Variants in CFLAR observed in about 807,000 individuals in gnomAD.
CFLAR encodes CASP8 and FADD-like apoptosis regulator.
CFLAR carries 14 observed loss-of-function variants against 51.1 expected under a neutral mutation model. The observed-to-expected ratio is 0.27, with a 90% CI of 0.18 to 0.43. The LOEUF (loss-of-function observed/expected upper bound fraction) is 0.43. Among genes scored for constraint, CFLAR ranks in the 20% least tolerant of loss-of-function variants. The probability of loss-of-function intolerance (pLI) is 1.00; values close to 1 mark genes in which losing one functional copy is unlikely to be tolerated. For missense variants in CFLAR, 390 were observed against 566.5 expected, an observed-to-expected ratio of 0.69 and a Z score of 3.16; for synonymous variants, 210 against 211.6, an observed-to-expected ratio of 0.99 and a Z score of 0.06.
intron 1 of CFLAR, among the ~76,000 whole-genome samples, chr2:201,127,046 G>A (rs941956022): frequency 6.6e-6 from 1 of 152,198 alleles, no homozygotes; most frequent in Admixed American, 6.5e-5. Flanking sequence ...ATATGCCTGT[G>A]AGGGGAGTTA....
At chr2:201,148,097 A>G (rs1159213243) in intron 6 of CFLAR, among the ~76,000 whole-genome samples, 1 of 152,146 alleles carries the variant, frequency 6.6e-6, no homozygotes, top group Non-Finnish European at 1.5e-5. Flanking sequence ...TAAAATACAA[A>G]AAATATAAAA....
At chr2:201,141,266 A>T in intron 5 of CFLAR, 538 of 1,219,262 alleles carry the variant, frequency 4.4e-4, no homozygotes, top group Non-Finnish European at 5.6e-4. Context: ...TATAATACTG[A>T]CCTCCAATTA....
chr2:201,142,594 T>G (rs897986941), intron 5 of CFLAR: 1 of 152,250 alleles, frequency 6.6e-6, no homozygotes, highest in Non-Finnish European at 1.5e-5. Flanking sequence ...TACCATATCT[T>G]AGAGCATACT....
intron 8 of CFLAR, among the ~76,000 whole-genome samples, chr2:201,153,922 T>A (rs1941716365): frequency 6.9e-6 from 1 of 145,834 alleles, no homozygotes; most frequent in South Asian, 2.2e-4. Context: ...TTTTTTTTTT[T>A]TTTGACAGAG....
intron 1 of CFLAR, chr2:201,122,592 A>G (rs1271467163): frequency 6.6e-6 from 1 of 152,218 alleles, no homozygotes; most frequent in Non-Finnish European, 1.5e-5. Flanking sequence ...GGACCTCCAC[A>G]TATGACAGTA....
intron 8 of CFLAR, among the ~76,000 whole-genome samples, chr2:201,159,453 G>A (rs956426035): frequency 6.6e-6 from 1 of 151,980 alleles, no homozygotes; most frequent in Non-Finnish European, 1.5e-5. Flanking sequence ...GGGACTACAG[G>A]TGCGTGCCAC....
chr2:201,130,102 G>A lies in CFLAR; in HGVS notation c.237G>A (p.Val79=), dbSNP rs1368802738. 2 of 1,593,664 alleles carry A rather than the reference G, an allele frequency of 1.3e-6. No individual in the cohort carries two copies. The highest frequency in any genetic ancestry group is 1.3e-5 in the African/African-American group (1 of 74,112). ...TCTTGAAGATGGACAGAAAAGCTGT[G>A]GAGACCCACCTGCTCAGGAACCCTC... ...KRILKMDRKA[V]ETHLLRNPHL... is the part of the protein sequence containing the mutation. The change falls in exon 2 of 10, where the codon GTG becomes GTA. Residue 79 remains valine (V), a synonymous_variant. Transcript: ENST00000309955.
Position 201,165,568 on chromosome 2 carries a change from G to A in CFLAR, c.*1595G>A, listed in dbSNP as rs2125960881. ...ATTACAGGTGTGAGCCACTGCACCT[G>A]GCCTATTATTATTTTTAAATTTTTT... On this transcript the variant is annotated 3_prime_UTR_variant, in exon 10 of 10. Coordinates refer to ENST00000309955, the MANE Select transcript of CFLAR (RefSeq NM_003879.7). 1 of 150,220 alleles carries A rather than the reference G, an allele frequency of 6.7e-6. No homozygotes were observed. The highest frequency in any genetic ancestry group is 2.1e-4 in the South Asian group (1 of 4,772). 9.3% of individuals were successfully genotyped at this position (150,220 alleles called of 1,614,324 possible).
At position 201,170,657 on chromosome 2, in the gene CFLAR, C is replaced by G. The variant is rs555012009; in HGVS notation, c.*6684C>G. The G allele has an allele frequency of 5.3e-5, 8 of 152,316 alleles. No individual in the cohort carries two copies. Among genetic ancestry groups the G allele is most frequent in the African/African-American group, 1.9e-4 (8 of 41,568 alleles). 9.4% of individuals were successfully genotyped at this position (152,316 alleles called of 1,614,324 possible). On this transcript the variant is annotated 3_prime_UTR_variant, in exon 10 of 10. Transcript: ENST00000309955. ...TATTCTCCACCACCACTCAATCTGT[C>G]TATCATCTATCTCTCCATTCATTCT...
rs1359261313 is a variant in CFLAR, at chr2:201,168,695, CATG to C, written c.*4725_*4727del. The C allele has an allele frequency of 6.6e-6, 1 of 152,120 alleles. No homozygotes were observed. The highest frequency in any genetic ancestry group is 1.5e-5 in the Non-Finnish European group (1 of 68,030). 9.4% of individuals were successfully genotyped at this position (152,120 alleles called of 1,614,324 possible). ...GAAGTAAAACTGTGTTTGCAGATGA[CATG>C]ATACTATATCTAGAAAACCCCATTA... On this transcript the variant is annotated 3_prime_UTR_variant, in exon 10 of 10. Coordinates refer to ENST00000309955, the MANE Select transcript of CFLAR (RefSeq NM_003879.7).
chr2:201,149,154 G>A, intron 7 of CFLAR, 102 bp downstream of exon 7: 1 of 756,828 alleles, frequency 1.3e-6, no homozygotes, highest in Non-Finnish European at 2.3e-6. Flanking sequence ...TGAGACAGTG[G>A]GACTCTGAGA....
rs1011760008 is a variant in CFLAR at position 201,171,069 on chromosome 2, A to G, written c.*7096A>G. On this transcript the variant is annotated 3_prime_UTR_variant, in exon 10 of 10. Coordinates refer to ENST00000309955, the MANE Select transcript of CFLAR (RefSeq NM_003879.7). ...TGAGGAATGGAAAACCAAACATTGTATGTTCTCACTCATAAGTGGGAGATA... is the reference window on the plus strand; with the variant it reads ...TGAGGAATGGAAAACCAAACATTGTGTGTTCTCACTCATAAGTGGGAGATA... 1 of 152,182 alleles carries G rather than the reference A, an allele frequency of 6.6e-6. No homozygotes were observed. Among genetic ancestry groups the G allele is most frequent in the African/African-American group, 2.4e-5 (1 of 41,460 alleles). The allele number at this position is 152,182 out of a possible 1,614,324, so 9.4% of individuals were successfully genotyped here.
At position 201,124,663 on chromosome 2, in the gene CFLAR, C is replaced by T. The variant is rs957425332; in HGVS notation, c.-137-5066C>T. Among the ~76,000 whole-genome samples the T allele has an allele frequency of 2.0e-5, 3 of 152,018 alleles. No homozygotes were observed. The highest frequency in any genetic ancestry group is 2.0e-4 in the Admixed American group (3 of 15,248). ...TCAGGCATGAACTTTAGAAATTTCA[C>T]TTAGATGGAAGGTAGATTTGGAGAG... On this transcript the variant is annotated intron_variant, in intron 1 of 9. Coordinates refer to ENST00000309955, the MANE Select transcript of CFLAR (RefSeq NM_003879.7). The surrounding 1 kb of genome is among the most constrained non-coding windows in gnomAD (Gnocchi z 4.7).
intron 1 of CFLAR, among the ~76,000 whole-genome samples, chr2:201,120,593 T>A (rs1295784537): frequency 6.6e-6 from 1 of 152,084 alleles, no homozygotes; most frequent in East Asian, 1.9e-4. Context: ...TATGTATATT[T>A]GTATACTTTT....
rs765352943 is a variant in CFLAR, at chr2:201,170,067, C to G, written c.*6094C>G. On this transcript the variant is annotated 3_prime_UTR_variant, in exon 10 of 10. Coordinates refer to ENST00000309955, the MANE Select transcript of CFLAR (RefSeq NM_003879.7). The stretch of plus-strand genomic sequence containing the variant: ...GTGGCTATTCCTCAAAGATCTAGAA[C>G]TAGAAATACTATTTGTCCCAGCAAT... The G allele has an allele frequency of 2.6e-5, 4 of 152,130 alleles. No individual in the cohort carries two copies. The highest frequency in any genetic ancestry group is 4.4e-5 in the Non-Finnish European group (3 of 68,022). 9.4% of individuals were successfully genotyped at this position (152,130 alleles called of 1,614,324 possible).
intron 5 of CFLAR, among the ~76,000 whole-genome samples, chr2:201,144,819 T>G (rs1654559418): frequency 6.6e-6 from 1 of 152,188 alleles, no homozygotes; most frequent in Non-Finnish European, 1.5e-5. Flanking sequence ...AACATTCTAA[T>G]ATGCTAGCTT....
chr2:201,122,264 G>C (rs1280304622), intron 1 of CFLAR, among the ~76,000 whole-genome samples: 1 of 152,136 alleles, frequency 6.6e-6, no homozygotes, highest in Non-Finnish European at 1.5e-5. Flanking sequence ...ATTTTGCATG[G>C]GGGCTTACCC....
At position 201,176,244 on chromosome 2, in the gene CFLAR, G is replaced by A. The variant is rs534864335; in HGVS notation, c.*12271G>A. ...TTCCCCACTCCTGAGATCTTTTTGAGAAGCTGATGATCAGTCTCAGGTGTT... is the reference window on the plus strand; with the variant it reads ...TTCCCCACTCCTGAGATCTTTTTGAAAAGCTGATGATCAGTCTCAGGTGTT... On this transcript the variant is annotated 3_prime_UTR_variant, in exon 10 of 10. Coordinates refer to ENST00000309955, the MANE Select transcript of CFLAR (RefSeq NM_003879.7). 2 of 133,824 alleles carry A rather than the reference G, an allele frequency of 1.5e-5. No homozygotes were observed. Among genetic ancestry groups the A allele is most frequent in the African/African-American group, 2.8e-5 (1 of 35,890 alleles). The allele number at this position is 133,824 out of a possible 1,614,324, so 8.3% of individuals were successfully genotyped here.
In CFLAR at chr2:201,160,495, T is replaced by C. The variant is rs771045318; in HGVS notation, c.857T>C (p.Met286Thr). The change falls in exon 9 of 10, where the codon ATG (methionine) becomes ACG (threonine). Residue 286 changes from methionine to threonine, a missense_variant. By Grantham distance (81) the Met-to-Thr change is moderately conservative. This residue lies in a region of CFLAR where 287 missense variants were observed against 363.6 expected (regional missense o/e 0.79). Coordinates refer to ENST00000309955, the MANE Select transcript of CFLAR (RefSeq NM_003879.7). ...YEVQKFLHLS[M>T]HGISQILGQF... ...GTCCAGAAATTCTTGCATCTCAGTA[T>C]GCATGGTATATCCCAGATTCTTGGC... is the stretch of plus-strand genomic sequence containing the variant. The C allele has an allele frequency of 1.9e-6, 3 of 1,613,998 alleles. No individual in the cohort carries two copies. The highest frequency in any genetic ancestry group is 2.5e-6 in the Non-Finnish European group (3 of 1,180,020).
Sources: allele counts gnomAD v4.1 joint callset (sites outside exome capture counted in the v4.1 genomes callset), GRCh38; gene constraint gnomAD v4.1.1; regional missense constraint gnomAD v4.1.1; non-coding constraint Gnocchi (gnomAD v3.1); transcripts MANE v1.5; gene names NCBI Gene and HGNC (gene_info 2026-07-23, HGNC 2026-07-21).